The following CLMN variants were observed in gnomAD, a reference collection of about 807,000 sequenced individuals.
CLMN encodes the protein calmin (calponin-like, transmembrane).
In CLMN, 57 loss-of-function variants were observed where a neutral mutation model predicts 92.7. The ratio of observed to expected loss-of-function variants is 0.61; its 90% CI spans 0.50 to 0.77. The LOEUF (loss-of-function observed/expected upper bound fraction) is 0.77. CLMN is among the 30% of genes least tolerant of loss of function. CLMN has a pLI of 0.00. For synonymous variants in CLMN, 466 were observed against 470.6 expected (o/e 0.99, Z 0.13); for missense variants, 1,158 against 1,237.5 (o/e 0.94, Z 0.96).
At chr14:95,243,626 T>C (rs993589380) in intron 1 of CLMN, among the ~76,000 whole-genome samples, 6 of 151,920 alleles carry the variant, frequency 3.9e-5, no homozygotes, top group African/African-American at 1.2e-4. Flanking sequence ...TTGATTTTTT[T>C]TTCGGTAAAG....
intron 1 of CLMN, among the ~76,000 whole-genome samples, chr14:95,293,571 A>G (rs1403283067): frequency 3.3e-5 from 5 of 152,102 alleles, no homozygotes; most frequent in Admixed American, 3.3e-4. Context: ...CAAGACCAGG[A>G]GAATGGGCTC....
intron 5 of CLMN, among the ~76,000 whole-genome samples, chr14:95,213,988 T>C (rs969813017): frequency 6.6e-5 from 10 of 152,046 alleles, no homozygotes; most frequent in African/African-American, 2.4e-4. Context: ...AGCGCACTCC[T>C]ACTCATCCTT....
At chr14:95,242,682 C>T (rs917364198) in intron 1 of CLMN, among the ~76,000 whole-genome samples, 40 of 152,180 alleles carry the variant, frequency 2.6e-4, no homozygotes, top group African/African-American at 9.4e-4. Context: ...ATTCTCCTGC[C>T]TCAGCCTCCC....
intron 1 of CLMN, among the ~76,000 whole-genome samples, chr14:95,248,913 C>T (rs746641425): frequency 2.6e-5 from 4 of 151,724 alleles, no homozygotes; most frequent in Non-Finnish European, 5.9e-5. Context: ...TACTATGTAC[C>T]CTGTACATAG....
chr14:95,319,303 TCACACACACACACACACACACACACACA>T (rs60670197), intron 1 of CLMN, among the ~76,000 whole-genome samples: 1 of 144,108 alleles, frequency 6.9e-6, no homozygotes, highest in Non-Finnish European at 1.5e-5. Flanking sequence ...GTGCGCGAAC[TCACACACACACACACACACACACACACA>T]CACACACACA....
intron 2 of CLMN, among the ~76,000 whole-genome samples, chr14:95,226,324 A>G (rs1348797569): frequency 6.6e-6 from 1 of 152,210 alleles, no homozygotes; most frequent in Non-Finnish European, 1.5e-5. Context: ...TCTATCGTTC[A>G]GGGAGTAATG....
intron 1 of CLMN, among the ~76,000 whole-genome samples, chr14:95,276,893 T>C (rs1899951170): frequency 6.6e-6 from 1 of 152,170 alleles, no homozygotes; most frequent in Admixed American, 6.5e-5. Context: ...TGGTGTGGCA[T>C]CTTGCAAAAT....
At chr14:95,314,614 A>C (rs1901682680) in intron 1 of CLMN, among the ~76,000 whole-genome samples, 1 of 152,190 alleles carries the variant, frequency 6.6e-6, no homozygotes, top group Non-Finnish European at 1.5e-5. Context: ...GTTTGCAACA[A>C]AGCCAGGACC....
chr14:95,298,957 C>T (rs2140774675), intron 1 of CLMN, among the ~76,000 whole-genome samples: 1 of 152,348 alleles, frequency 6.6e-6, no homozygotes, highest in African/African-American at 2.4e-5. Flanking sequence ...GTTCCAGTTA[C>T]TTTGGTACCC....
intron 4 of CLMN, among the ~76,000 whole-genome samples, chr14:95,218,892 A>C (rs1897437563): frequency 6.6e-6 from 1 of 152,236 alleles, no homozygotes; most frequent in African/African-American, 2.4e-5. Flanking sequence ...GATGGATGAC[A>C]GAAGGCCAGG....
chr14:95,207,238 A>C (rs1338002476), intron 8 of CLMN, among the ~76,000 whole-genome samples: 1 of 152,206 alleles, frequency 6.6e-6, no homozygotes, highest in East Asian at 1.9e-4. Context: ...AAACAGTTAA[A>C]ATCTTCTCTT....
At position 95,202,926 on chromosome 14, in the gene CLMN, G is replaced by A. The variant is rs759681484; in HGVS notation, c.2423C>T (p.Thr808Ile). 5.6e-6 allele frequency: 9 copies of A among 1,610,696 alleles called. No homozygotes were observed. In the South Asian group the frequency reaches 9.9e-5, roughly 18 times the overall value. Residue 808 changes from threonine (T) to isoleucine (I), a missense_variant, in exon 9 of 13, where the codon ACA becomes ATA. Coordinates refer to ENST00000298912, the MANE Select transcript of CLMN (RefSeq NM_024734.4). ...CAGTGGAGCGGGTTCTGAGGCTGGT[G>A]TGGTACCCACACCACCCCTGCTGAG... Reference protein sequence around the residue: ...LYLSRGGVGTTPASEPAPLAP... With the variant: ...LYLSRGGVGTIPASEPAPLAP...
chr14:95,233,346 T>A (rs1897948765), intron 1 of CLMN, among the ~76,000 whole-genome samples: 1 of 151,862 alleles, frequency 6.6e-6, no homozygotes, highest in South Asian at 2.1e-4. Flanking sequence ...CATCCATCCA[T>A]CCACCTACCC....
chr14:95,268,375 T>TA (rs35568472), intron 1 of CLMN, among the ~76,000 whole-genome samples: 270 of 123,980 alleles, frequency 2.2e-3, no homozygotes, highest in Middle Eastern at 4.1e-3. Context: ...TTATGCTATG[T>TA]AAAAAAAAAA....
At chr14:95,222,581 G>T (rs1897581202) in intron 3 of CLMN, 1 of 455,952 alleles carries the variant, frequency 2.2e-6, no homozygotes, top group Non-Finnish European at 4.4e-6. Flanking sequence ...CAAGGACACA[G>T]CAGCTGGTGA....
At chr14:95,281,834 T>G (rs1396743390) in intron 1 of CLMN, among the ~76,000 whole-genome samples, 1 of 152,228 alleles carries the variant, frequency 6.6e-6, no homozygotes, top group African/African-American at 2.4e-5. Context: ...ATCTTCCAGA[T>G]AGTGTCACCT....
chr14:95,271,327 A>G (rs1212902845), intron 1 of CLMN, among the ~76,000 whole-genome samples: 2 of 152,204 alleles, frequency 1.3e-5, no homozygotes, highest in African/African-American at 4.8e-5. Flanking sequence ...TGATTCAACT[A>G]TTCCTGATAA....
Position 95,184,420 on chromosome 14 carries a change from T to C in CLMN, c.*7144A>G, listed in dbSNP as rs1318089207. The C allele has an allele frequency of 6.6e-6, 1 of 152,246 alleles. No homozygotes were observed. Among genetic ancestry groups the C allele is most frequent in the Non-Finnish European group, 1.5e-5 (1 of 68,042 alleles). The allele number at this position is 152,246 out of a possible 1,614,324, so 9.4% of individuals were successfully genotyped here. A position where few individuals can be genotyped will look rare whatever the true frequency, so the allele number is the denominator to read the frequency against. On this transcript the variant is annotated 3_prime_UTR_variant, in exon 13 of 13. Transcript: ENST00000298912. The stretch of plus-strand genomic sequence containing the variant: ...GGATTTAAACAAATTAGCAGTGCGA[T>C]TGAGGCCGTGGATTGTTGAGGCATG...
chr14:95,235,106 CTCTT>C (rs1052596296), intron 1 of CLMN, among the ~76,000 whole-genome samples: 4 of 149,696 alleles, frequency 2.7e-5, no homozygotes, highest in African/African-American at 1.0e-4. Context: ...AAAACTCTCT[CTCTT>C]TCTCTCTCTC....
Sources: allele counts gnomAD v4.1 joint callset (sites outside exome capture counted in the v4.1 genomes callset), GRCh38; gene constraint gnomAD v4.1.1; transcripts MANE v1.5; gene names NCBI Gene and HGNC (gene_info 2026-07-23, HGNC 2026-07-21).